Variants in CD8A observed in about 807,000 individuals in gnomAD.
The protein encoded by CD8A is CD8 subunit alpha.
CD8A carries 25 observed loss-of-function variants against 24.2 expected under a neutral mutation model. The observed-to-expected ratio is 1.03, with a 90% CI of 0.75 to 1.44. The LOEUF (loss-of-function observed/expected upper bound fraction) is 1.44, where lower values mean the gene tolerates loss of function less well. Among genes scored for constraint, CD8A ranks in the 40% most tolerant of loss-of-function variants. The pLI, the probability that CD8A is intolerant of heterozygous loss-of-function variation, is 0.00. For synonymous variants in CD8A, 165 were observed against 149.9 expected, an observed-to-expected ratio of 1.10 and a Z score of -0.74; for missense variants, 360 against 319.7, an observed-to-expected ratio of 1.13 and a Z score of -0.96.
At chr2:86,789,814 C>T (rs954414152) in intron 2 of CD8A, 64 bp from the exon 3 acceptor site, 6 of 976,174 alleles carry the variant, frequency 6.1e-6, no homozygotes, top group East Asian at 3.2e-5. Flanking sequence ...CCAGCCCCGG[C>T]CTCGCGCACC....
upstream of CD8A, chr2:86,791,046 G>A (rs1419348738): frequency 1.1e-5 from 8 of 705,816 alleles, no homozygotes; most frequent in Non-Finnish European, 1.8e-5. Flanking sequence ...TGGGGCCCGT[G>A]AATAGGGCCG....
At chr2:86,789,301 G>T (rs1474657532) in intron 4 of CD8A, 22 bp downstream of exon 4, 4 of 1,495,930 alleles carry the variant, frequency 2.7e-6, no homozygotes, top group South Asian at 2.3e-5. Context: ...ACTCCTTCCC[G>T]CCGCGATTCC....
chr2:86,790,178 C>T, intron 2 of CD8A, 150 bp downstream of exon 2: 3 of 694,236 alleles, frequency 4.3e-6, no homozygotes, highest in Admixed American at 2.1e-5. Context: ...CTCGCGTTAG[C>T]CTCAGTTTGC....
intron 2 of CD8A, among the ~76,000 whole-genome samples, chr2:86,806,124 C>T (rs1673847066): frequency 6.6e-6 from 1 of 152,160 alleles, no homozygotes; most frequent in South Asian, 2.1e-4. Context: ...AACCTCAACT[C>T]GACCATAAAA....
intron 3 of CD8A, 23 bp from the exon 4 acceptor site, chr2:86,789,456 C>A: frequency 6.4e-7 from 1 of 1,570,660 alleles, no homozygotes; most frequent in South Asian, 1.1e-5. Flanking sequence ...AAGACGCCGA[C>A]ATTTAGGAGA....
Position 86,789,314 on chromosome 2 carries a change from G to A in CD8A, c.625+9C>T, listed in dbSNP as rs765388761. The A allele has an allele frequency of 5.1e-6, 8 of 1,562,220 alleles. No individual in the cohort carries two copies. Among genetic ancestry groups the A allele is most frequent in the Non-Finnish European group, 6.2e-6 (7 of 1,132,378 alleles). On this transcript the variant is annotated intron_variant, in intron 4 of 5. Coordinates refer to ENST00000283635, the MANE Select transcript of CD8A (RefSeq NM_001768.7). ...CGACTCCTTCCCGCCGCGATTCCTC[G>A]GGACTTACTGTGGTTGCAGTAAAGG... is the stretch of plus-strand genomic sequence containing the variant.
chr2:86,804,968 A>G (rs1673796080), intron 2 of CD8A, among the ~76,000 whole-genome samples: 1 of 151,672 alleles, frequency 6.6e-6, no homozygotes, highest in Non-Finnish European at 1.5e-5. Flanking sequence ...ATGCCTGGCT[A>G]ATTTTTGTAT....
upstream of CD8A, among the ~76,000 whole-genome samples, chr2:86,793,537 A>T (rs892944223): frequency 6.6e-6 from 1 of 152,242 alleles, no homozygotes; most frequent in Admixed American, 6.5e-5. Context: ...CCACCAACAC[A>T]TCAATTCTTG....
chr2:86,797,923 C>T (rs981041295), intron 3 of CD8A, among the ~76,000 whole-genome samples: 2 of 152,108 alleles, frequency 1.3e-5, no homozygotes, highest in African/African-American at 4.8e-5. Context: ...AATCTGTTAA[C>T]CTTTCCTATG....
At chr2:86,792,123 C>T (rs559811981), upstream of CD8A, among the ~76,000 whole-genome samples, 119 of 152,292 alleles carry the variant, frequency 7.8e-4, 1 homozygote, top group Non-Finnish European at 1.3e-3. Context: ...ATCCTCCCAC[C>T]CCAGCCCCCT....
In CD8A at chr2:86,789,760, C is replaced by G. The variant is rs746824602; in HGVS notation, c.404-10G>C. On this transcript the variant is annotated splice_polypyrimidine_tract_variant and intron_variant, in intron 2 of 5. Coordinates refer to ENST00000283635, the MANE Select transcript of CD8A (RefSeq NM_001768.7). Reference sequence around the variant, plus strand: ...GTCGTGGTGGGCTTCGCTGCAAGAGCAACAGAGCGTGGTTGGGGGCCAGGC... The same window carrying G: ...GTCGTGGTGGGCTTCGCTGCAAGAGGAACAGAGCGTGGTTGGGGGCCAGGC... 1,154 of 1,347,110 alleles carry G rather than the reference C, an allele frequency of 8.6e-4. 2 individuals carry two copies. The highest frequency in any genetic ancestry group is 1.0e-3 in the Non-Finnish European group (1,090 of 1,055,124). The allele number at this position is 1,347,110 out of a possible 1,614,324, so 83.4% of individuals were successfully genotyped here. A position where few individuals can be genotyped will look rare whatever the true frequency, so the allele number is the denominator to read the frequency against.
rs1672931565 is a variant in CD8A at position 86,784,898 on chromosome 2, A to G, written c.*1022T>C. On this transcript the variant is annotated 3_prime_UTR_variant, in exon 6 of 6. Transcript: ENST00000283635. ...GTTTGGGACAGCAGTTTGGGCTCTC[A>G]GCCTCCTTAAGAGAGTCAGGTCTGC... 1 of 453,996 alleles carries G rather than the reference A, an allele frequency of 2.2e-6. No homozygotes were observed. The highest frequency in any genetic ancestry group is 4.4e-6 in the Non-Finnish European group (1 of 226,804). 28.1% of individuals were successfully genotyped at this position (453,996 alleles called of 1,614,324 possible).
rs771549955 is a variant in CD8A at position 86,790,655 on chromosome 2, C to A, written c.76G>T (p.Val26Leu). 4 of 1,600,998 alleles carry A rather than the reference C, an allele frequency of 2.5e-6. No individual in the cohort carries two copies. The highest frequency in any genetic ancestry group is 1.1e-5 in the South Asian group (1 of 90,960). The change falls in exon 2 of 6, where the codon GTG becomes TTG. Residue 26 changes from valine to leucine, a missense_variant. Transcript: ENST00000283635. ...LHAARPSQFR[V>L]SPLDRTWNLG... is the part of the protein sequence containing the mutation. ...TTCCAGGTCCGATCCAGCGGCGACACCCGGAACTGGCTCGGCCTGGCGGCG... is the reference window on the plus strand; with the variant it reads ...TTCCAGGTCCGATCCAGCGGCGACAACCGGAACTGGCTCGGCCTGGCGGCG...
At chr2:86,806,557 T>G (rs1010861628) in intron 2 of CD8A, among the ~76,000 whole-genome samples, 2 of 152,240 alleles carry the variant, frequency 1.3e-5, no homozygotes, top group Non-Finnish European at 2.9e-5. Flanking sequence ...AGGAACGAGC[T>G]GCTCCCTCCA....
chr2:86,790,689 C>A lies in CD8A; in HGVS notation c.50-8G>T, dbSNP rs2944249. On this transcript the variant is annotated splice_polypyrimidine_tract_variant and splice_region_variant and intron_variant, in intron 1 of 5. Coordinates refer to ENST00000283635, the MANE Select transcript of CD8A (RefSeq NM_001768.7). ...GGCTCGGCCTGGCGGCGTCTGCAGGCGGCAAGCAGCGAGGCTGAGCCCGCA... is the reference window on the plus strand; with the variant it reads ...GGCTCGGCCTGGCGGCGTCTGCAGGAGGCAAGCAGCGAGGCTGAGCCCGCA... The A allele has an allele frequency of 1.3e-6, 2 of 1,594,718 alleles. No individual in the cohort carries two copies. Among genetic ancestry groups the A allele is most frequent in the Non-Finnish European group, 1.7e-6 (2 of 1,177,726 alleles).
At chr2:86,795,763 A>T (rs946440101), upstream of CD8A, among the ~76,000 whole-genome samples, 2 of 152,156 alleles carry the variant, frequency 1.3e-5, no homozygotes, top group African/African-American at 2.4e-5. Context: ...GCCCACAGCC[A>T]CCCATGTAAG....
chr2:86,787,654 C>T (rs562936566), intron 5 of CD8A, among the ~76,000 whole-genome samples: 4 of 152,232 alleles, frequency 2.6e-5, no homozygotes, highest in East Asian at 1.9e-4. Flanking sequence ...AAGCAAGTAA[C>T]GTGCGTTGTA....
At chr2:86,796,004 C>A (rs1573466490) in intron 3 of CD8A, among the ~76,000 whole-genome samples, 1 of 151,998 alleles carries the variant, frequency 6.6e-6, no homozygotes, top group African/African-American at 2.4e-5. Flanking sequence ...ACAAAGAGAA[C>A]AACAAATGTA....
intron 2 of CD8A, among the ~76,000 whole-genome samples, chr2:86,803,950 G>A (rs1465506909): frequency 1.3e-5 from 2 of 152,156 alleles, no homozygotes; most frequent in African/African-American, 2.4e-5. Flanking sequence ...CTAAGGATAC[G>A]AAGTAGCAAA....
Sources: allele counts gnomAD v4.1 joint callset (sites outside exome capture counted in the v4.1 genomes callset), GRCh38; gene constraint gnomAD v4.1.1; transcripts MANE v1.5; gene names NCBI Gene and HGNC (gene_info 2026-07-23, HGNC 2026-07-21).